Variants in CADM2 observed in about 807,000 individuals in gnomAD.
The protein encoded by CADM2 is immunoglobulin superfamily member 4D.
A neutral mutation model predicts 49.8 loss-of-function variants in CADM2; 12 were observed. The ratio of observed to expected loss-of-function variants is 0.24; its 90% CI spans 0.15 to 0.39. The LOEUF (loss-of-function observed/expected upper bound fraction) is 0.39. Among genes scored for constraint, CADM2 ranks in the 10% least tolerant of loss-of-function variants. CADM2 has a pLI of 1.00. For synonymous variants in CADM2, 214 were observed against 175.4 expected (o/e 1.22, Z -1.74); for missense variants, 378 against 492.3 (o/e 0.77, Z 2.20).
At chr3:85,671,853 T>A (rs2065745855) in intron 1 of CADM2, among the ~76,000 whole-genome samples, 1 of 152,204 alleles carries the variant, frequency 6.6e-6, no homozygotes, top group Non-Finnish European at 1.5e-5. Context: ...CTCTGTCCCC[T>A]AGTATTTCTT....
rs533685270 is a variant in CADM2 at position 85,669,715 on chromosome 3, TA to T, written c.62-56804del. ...TTTCTTTCATGGATCCCTAGAATGA[TA>T]AATCTTTAAGCCTAAGGAAATATAA... On this transcript the variant is annotated intron_variant, in intron 1 of 9. Coordinates refer to ENST00000383699, the MANE Select transcript of CADM2 (RefSeq NM_001167675.2). Among the ~76,000 whole-genome samples, 6 of 152,194 alleles carry T rather than the reference TA, an allele frequency of 3.9e-5. No individual in the cohort carries two copies. In the South Asian group the frequency reaches 6.2e-4, roughly 16 times the overall value.
In CADM2 at chr3:85,928,221, C is replaced by T. The variant is rs188296675; in HGVS notation, c.701-7546C>T. 2.1e-3 allele frequency among the ~76,000 whole-genome samples: 312 copies of T among 149,824 alleles called. 1 individual carries two copies. The highest frequency in any genetic ancestry group is 7.0e-3 in the African/African-American group (286 of 40,606). On this transcript the variant is annotated intron_variant, in intron 6 of 9. Transcript: ENST00000383699. ...GTTGCCAGGCTGGAGTGCAATGGCA[C>T]GATCTCGGCTCACTGTAACCTCCGC...
At chr3:85,236,165 A>G (rs1421365263) in intron 1 of CADM2, among the ~76,000 whole-genome samples, 2 of 152,040 alleles carry the variant, frequency 1.3e-5, no homozygotes, top group Admixed American at 1.3e-4. Flanking sequence ...TCCGTGCACT[A>G]GCTCCCTTCT....
chr3:85,068,251 T>A (rs2036593853), intron 1 of CADM2, among the ~76,000 whole-genome samples: 1 of 152,290 alleles, frequency 6.6e-6, no homozygotes, highest in African/African-American at 2.4e-5. Context: ...GTAACATTCA[T>A]CAATCTATCT....
intron 1 of CADM2, among the ~76,000 whole-genome samples, chr3:85,102,587 T>C (rs1399455149): frequency 1.3e-5 from 2 of 152,140 alleles, no homozygotes; most frequent in Non-Finnish European, 2.9e-5. Flanking sequence ...GCAAGACCTA[T>C]AATATTGAAG....
chr3:85,612,596 CA>C (rs2063707004), intron 1 of CADM2, among the ~76,000 whole-genome samples: 1 of 151,218 alleles, frequency 6.6e-6, no homozygotes, highest in African/African-American at 2.4e-5. Context: ...GTTAGGTTTA[CA>C]AAACATATTA....
intron 1 of CADM2, among the ~76,000 whole-genome samples, chr3:85,076,335 G>GTGTGTGTC (rs2036942160): frequency 1.3e-5 from 2 of 150,850 alleles, no homozygotes; most frequent in Non-Finnish European, 3.0e-5. Flanking sequence ...GTGTGTGTGT[G>GTGTGTGTC]TGTGGTGTGG....
intron 3 of CADM2, among the ~76,000 whole-genome samples, chr3:85,811,582 T>A (rs1212381618): frequency 6.6e-6 from 1 of 152,190 alleles, no homozygotes; most frequent in Non-Finnish European, 1.5e-5. Context: ...GGTTCCATTA[T>A]CTTTTAATCA....
chr3:85,407,701 G>A (rs1327790051), intron 1 of CADM2, among the ~76,000 whole-genome samples: 2 of 152,110 alleles, frequency 1.3e-5, no homozygotes, highest in Non-Finnish European at 2.9e-5. Context: ...TGAGTAATAA[G>A]GCTGGGAGCA....
intron 1 of CADM2, among the ~76,000 whole-genome samples, chr3:85,469,986 G>C (rs903192102): frequency 4.6e-5 from 7 of 152,170 alleles, no homozygotes; most frequent in Non-Finnish European, 1.0e-4. Context: ...GGTGATGCTG[G>C]AGGGAAGCGG....
intron 1 of CADM2, among the ~76,000 whole-genome samples, chr3:85,389,013 G>A (rs897546416): frequency 2.0e-5 from 3 of 152,136 alleles, no homozygotes; most frequent in Admixed American, 6.5e-5. Context: ...ATCGGAGAGA[G>A]CTAGGGTTTC....
chr3:85,706,379 A>T (rs1007675137), intron 1 of CADM2, among the ~76,000 whole-genome samples: 1 of 152,208 alleles, frequency 6.6e-6, no homozygotes, highest in African/African-American at 2.4e-5. Context: ...TAAAGTTGAT[A>T]ATCATTTTTC....
chr3:85,208,817 A>G (rs2041710854), intron 1 of CADM2, among the ~76,000 whole-genome samples: 1 of 152,180 alleles, frequency 6.6e-6, no homozygotes, highest in Non-Finnish European at 1.5e-5. Flanking sequence ...TGCAGTTGGA[A>G]CAACAAGCAT....
chr3:85,809,720 G>C (rs142850754), intron 3 of CADM2, among the ~76,000 whole-genome samples: 530 of 13,862 alleles, frequency 0.038, no homozygotes, highest in African/African-American at 0.08. Flanking sequence ...TCCTTCCTTC[G>C]TTCCTTCCCT....
intron 1 of CADM2, among the ~76,000 whole-genome samples, chr3:85,326,822 G>T (rs897811760): frequency 1.3e-5 from 2 of 152,002 alleles, no homozygotes; most frequent in African/African-American, 4.8e-5. Flanking sequence ...ATAATTATAT[G>T]GTGGGTAGGT....
At chr3:85,411,643 A>G (rs557200141) in intron 1 of CADM2, among the ~76,000 whole-genome samples, 1 of 152,264 alleles carries the variant, frequency 6.6e-6, no homozygotes, top group South Asian at 2.1e-4. Context: ...GGTTTTCTGA[A>G]GGGTAGAGGA....
At chr3:85,372,579 A>G (rs2033329845) in intron 1 of CADM2, among the ~76,000 whole-genome samples, 1 of 152,052 alleles carries the variant, frequency 6.6e-6, no homozygotes, top group Non-Finnish European at 1.5e-5. Context: ...AGACTGTGTT[A>G]TACCCCTCTG....
intron 1 of CADM2, among the ~76,000 whole-genome samples, chr3:85,329,408 C>G (rs2044849601): frequency 1.3e-5 from 2 of 151,298 alleles, no homozygotes; most frequent in African/African-American, 4.9e-5. Context: ...CACACACACA[C>G]ACACACACAC....
chr3:85,535,623 G>A (rs2061407483), intron 1 of CADM2, among the ~76,000 whole-genome samples: 1 of 152,130 alleles, frequency 6.6e-6, no homozygotes, highest in Non-Finnish European at 1.5e-5. Context: ...TGGTCATGGG[G>A]AATGATAAGG....
Sources: gnomAD v4.1 joint callset for allele counts (sites outside exome capture counted in the v4.1 genomes callset) on GRCh38, gnomAD v4.1.1 for gene constraint, MANE v1.5 for transcripts, NCBI Gene and HGNC (gene_info 2026-07-23, HGNC 2026-07-21) for gene names.